The following WNT5A variants were observed in gnomAD, a reference collection of about 807,000 sequenced individuals.
WNT5A encodes protein Wnt-5a.
Under a neutral mutation model 42.1 loss-of-function variants are expected in WNT5A, and 9 were observed. The ratio of observed to expected loss-of-function variants is 0.21; its 90% CI spans 0.13 to 0.37. The LOEUF (loss-of-function observed/expected upper bound fraction) is 0.37, where lower values mean the gene tolerates loss of function less well. Among genes scored for constraint, WNT5A ranks in the 10% least tolerant of loss-of-function variants. The pLI is 1.00. For synonymous variants in WNT5A, 210 were observed against 210.0 expected (o/e 1.00, Z 0.00); for missense variants, 426 against 534.0 (o/e 0.80, Z 1.99).
chr3:55,483,221 G>A lies in WNT5A; in HGVS notation c.7-2303C>T, dbSNP rs905168440. Among the ~76,000 whole-genome samples, 9 of 152,266 alleles carry A rather than the reference G, an allele frequency of 5.9e-5. No homozygotes were observed. The East Asian group carries it at 1.5e-3, about 26-fold the overall frequency. ...CGGTCACCAAGACTTGGGTCTCCCT[G>A]GCTCCAGGGTAGAGGTAGGCAGAGG... is the stretch of plus-strand genomic sequence containing the variant. On this transcript the variant is annotated intron_variant, in intron 1 of 4. Transcript: ENST00000264634. This position sits in a 1 kb window ranked among gnomAD's most constrained non-coding sequence, Gnocchi z 4.2.
chr3:55,479,176 G>A (rs2051409313), intron 3 of WNT5A, 138 bp downstream of exon 3: 2 of 924,600 alleles, frequency 2.2e-6, no homozygotes, highest in East Asian at 5.6e-5. Flanking sequence ...TTGCTATAAT[G>A]ACAAAAATGC....
At chr3:55,482,228 C>T (rs1331133260) in intron 1 of WNT5A, among the ~76,000 whole-genome samples, 1 of 152,226 alleles carries the variant, frequency 6.6e-6, no homozygotes, top group East Asian at 1.9e-4. Flanking sequence ...AGGTTCCCTT[C>T]CTGAAGAATT....
chr3:55,484,613 G>C (rs1460895672), intron 1 of WNT5A, among the ~76,000 whole-genome samples: 1 of 151,756 alleles, frequency 6.6e-6, no homozygotes, highest in Non-Finnish European at 1.5e-5. Context: ...GGGGAAGAAC[G>C]GTCTGGCCTG....
At chr3:55,485,290 G>A (rs1316422522) in intron 1 of WNT5A, among the ~76,000 whole-genome samples, 3 of 148,440 alleles carry the variant, frequency 2.0e-5, no homozygotes, top group East Asian at 2.1e-4. Flanking sequence ...CGCACCGCGG[G>A]GAAGAAAAGG....
At position 55,468,138 on chromosome 3, in the gene WNT5A, T is replaced by A. The variant is rs1406408123; in HGVS notation, c.*1954A>T. 6.0e-5 allele frequency: 8 copies of A among 133,990 alleles called. No individual in the cohort carries two copies. The highest frequency in any genetic ancestry group is 2.2e-4 in the East Asian group (1 of 4,598). The allele number at this position is 133,990 out of a possible 1,614,324, so 8.3% of individuals were successfully genotyped here. A position where few individuals can be genotyped will look rare whatever the true frequency, so the allele number is the denominator to read the frequency against. ...ACTGTTTGGAAAGAGGTGTCCTTATTAAAAAAAAAAAAAAAAAAGCTATCT... is the reference window on the plus strand; with the variant it reads ...ACTGTTTGGAAAGAGGTGTCCTTATAAAAAAAAAAAAAAAAAAAGCTATCT... On this transcript the variant is annotated 3_prime_UTR_variant, in exon 5 of 5. Transcript: ENST00000264634.
upstream of WNT5A, among the ~76,000 whole-genome samples, chr3:55,488,870 A>G (rs1156943272): frequency 6.6e-6 from 1 of 152,090 alleles, no homozygotes; most frequent in Non-Finnish European, 1.5e-5. Context: ...GGACCTCCTC[A>G]TTCTTACCTC....
intron 2 of WNT5A, 64 bp downstream of exon 2, chr3:55,480,721 T>A: frequency 2.1e-6 from 3 of 1,455,114 alleles, no homozygotes; most frequent in Non-Finnish European, 9.1e-7. Flanking sequence ...TATTGCCGCA[T>A]CATACAAACA....
rs1329324565 is a variant in WNT5A, at chr3:55,475,195, G to A, written c.392-566C>T. On this transcript the variant is annotated intron_variant, in intron 3 of 4. Transcript: ENST00000264634. ...GTCAAAACTTGCTATTTGCAAAAAT[G>A]CACATGAAAGAAGTCATTGAAGGAA... Among the ~76,000 whole-genome samples, 16 of 152,312 alleles carry A rather than the reference G, an allele frequency of 1.1e-4. No individual in the cohort carries two copies. The East Asian group carries it at 2.7e-3, about 26-fold the overall frequency.
intron 1 of WNT5A, among the ~76,000 whole-genome samples, chr3:55,484,063 C>T (rs992185360): frequency 2.0e-5 from 3 of 152,118 alleles, no homozygotes; most frequent in Non-Finnish European, 4.4e-5. Context: ...AGACTCTCTA[C>T]GTTTAGGCCC....
chr3:55,477,216 CTT>C (rs1468957108), intron 3 of WNT5A, among the ~76,000 whole-genome samples: 1 of 152,198 alleles, frequency 6.6e-6, no homozygotes, highest in Admixed American at 6.5e-5. Flanking sequence ...CAAATACACT[CTT>C]AAGTGGAAAA....
intron 3 of WNT5A, among the ~76,000 whole-genome samples, chr3:55,475,655 A>G (rs2051343658): frequency 6.6e-6 from 1 of 152,114 alleles, no homozygotes; most frequent in African/African-American, 2.4e-5. Flanking sequence ...CCTTTGCCAC[A>G]AAGTGTTAGA....
chr3:55,468,811 G>A lies in WNT5A; in HGVS notation c.*1281C>T, dbSNP rs2106879595. The A allele has an allele frequency of 6.6e-6, 1 of 152,628 alleles. No homozygotes were observed. Among genetic ancestry groups the A allele is most frequent in the African/African-American group, 2.4e-5 (1 of 41,538 alleles). The allele number at this position is 152,628 out of a possible 1,614,324, so 9.5% of individuals were successfully genotyped here. A position where few individuals can be genotyped will look rare whatever the true frequency, so the allele number is the denominator to read the frequency against. On this transcript the variant is annotated 3_prime_UTR_variant, in exon 5 of 5. Transcript: ENST00000264634. ...AGCATGAGTGGATAATCTAAACACAGGATCATAACAGTGATACGCTGCAAC... is the reference window on the plus strand; with the variant it reads ...AGCATGAGTGGATAATCTAAACACAAGATCATAACAGTGATACGCTGCAAC...
At chr3:55,493,414 C>G (rs2051682476), upstream of WNT5A, among the ~76,000 whole-genome samples, 1 of 152,240 alleles carries the variant, frequency 6.6e-6, no homozygotes, top group Admixed American at 6.5e-5. Context: ...TTGTACACAT[C>G]AGTCTCAAAG....
the WNT5A span, among the ~76,000 whole-genome samples, chr3:55,500,383 C>A: frequency 2.0e-5 from 3 of 152,190 alleles, 1 homozygote; most frequent in South Asian, 6.2e-4. Context: ...GCCATGAATA[C>A]CCAGGTTAAG....
upstream of WNT5A, among the ~76,000 whole-genome samples, chr3:55,492,228 GT>G (rs34084183): frequency 0.49 from 71,948 of 148,136 alleles, 17,793 homozygotes; most frequent in African/African-American, 0.64. Context: ...ATGGTGCTTT[GT>G]GGCGGGGGGG....
chr3:55,484,994 C>T (rs2051548376), intron 1 of WNT5A, among the ~76,000 whole-genome samples: 1 of 152,198 alleles, frequency 6.6e-6, no homozygotes, highest in Non-Finnish European at 1.5e-5. Flanking sequence ...CACTCTCCTT[C>T]CCAAGCCCAG....
At chr3:55,471,357 A>AC (rs2051248121) in intron 4 of WNT5A, among the ~76,000 whole-genome samples, 1 of 151,954 alleles carries the variant, frequency 6.6e-6, no homozygotes, top group East Asian at 1.9e-4. Context: ...CCCATCTACT[A>AC]CCCCGCTAGG....
At chr3:55,486,848 A>C in intron 1 of WNT5A, 132 bp downstream of exon 1, 2 of 751,848 alleles carry the variant, frequency 2.7e-6, no homozygotes, top group Non-Finnish European at 4.8e-6. Flanking sequence ...CCTGCCAGCG[A>C]CGCTGGAGTT....
Position 55,472,042 on chromosome 3 carries a change from T to C in WNT5A, c.685-1492A>G, listed in dbSNP as rs370838443. On this transcript the variant is annotated intron_variant, in intron 4 of 4. Transcript: ENST00000264634. ...GGAAAATTAAAAAGCTAACACCCCA[T>C]GGAAATTCTAATATGATTTTCTGGC... Among the ~76,000 whole-genome samples the C allele has an allele frequency of 1.4e-4, 22 of 152,238 alleles. No individual in the cohort carries two copies. The East Asian group carries it at 3.5e-3, about 24-fold the overall frequency.
Sources: gnomAD v4.1 joint callset for allele counts (sites outside exome capture counted in the v4.1 genomes callset) on GRCh38, gnomAD v4.1.1 for gene constraint, Gnocchi (gnomAD v3.1) non-coding constraint, MANE v1.5 for transcripts, NCBI Gene and HGNC (gene_info 2026-07-23, HGNC 2026-07-21) for gene names.